The following POU6F2 variants were observed in gnomAD, a reference collection of about 807,000 sequenced individuals.
POU6F2 encodes POU class 6 homeobox 2.
POU6F2 carries 31 observed loss-of-function variants against 71.3 expected under a neutral mutation model. The ratio of observed to expected loss-of-function variants is 0.43; its 90% CI spans 0.33 to 0.59. The LOEUF (loss-of-function observed/expected upper bound fraction) is 0.59. Among genes scored for constraint, POU6F2 ranks in the 20% least tolerant of loss-of-function variants. POU6F2 has a pLI of 0.04. For synonymous variants in POU6F2, 347 were observed against 355.7 expected (o/e 0.98, Z 0.27); for missense variants, 783 against 856.8 (o/e 0.91, Z 1.07).
chr7:39,346,383 A>T (rs893421745), intron 5 of POU6F2, among the ~76,000 whole-genome samples: 3 of 152,234 alleles, frequency 2.0e-5, no homozygotes, highest in Non-Finnish European at 4.4e-5. Flanking sequence ...GTAGCGATAG[A>T]TGATGAGGGT....
chr7:39,155,278 A>G (rs996478762), intron 2 of POU6F2, among the ~76,000 whole-genome samples: 1 of 151,896 alleles, frequency 6.6e-6, no homozygotes, highest in Non-Finnish European at 1.5e-5. Context: ...GGGGGAGTTC[A>G]GTCCTAAAGC....
intron 6 of POU6F2, among the ~76,000 whole-genome samples, chr7:39,417,674 A>G (rs1421659724): frequency 6.6e-6 from 1 of 152,246 alleles, no homozygotes; most frequent in Non-Finnish European, 1.5e-5. Flanking sequence ...TAGATGAGAT[A>G]CTTGCCAATA....
intron 1 of POU6F2, among the ~76,000 whole-genome samples, chr7:39,027,250 CT>C (rs1789829958): frequency 6.6e-6 from 1 of 151,930 alleles, no homozygotes; most frequent in Non-Finnish European, 1.5e-5. Flanking sequence ...CATTGGGTAC[CT>C]TTGATATTGC....
At chr7:39,227,439 C>T (rs1280063955) in intron 4 of POU6F2, among the ~76,000 whole-genome samples, 2 of 152,034 alleles carry the variant, frequency 1.3e-5, no homozygotes, top group East Asian at 1.9e-4. Context: ...AGGTGCTTCT[C>T]AGGTGGGGCT....
chr7:39,318,358 C>T (rs2128768397), intron 4 of POU6F2, among the ~76,000 whole-genome samples: 1 of 152,226 alleles, frequency 6.6e-6, no homozygotes, highest in East Asian at 1.9e-4. Flanking sequence ...ATAGGTGGGG[C>T]CCTGGAATCA....
intron 5 of POU6F2, among the ~76,000 whole-genome samples, chr7:39,365,694 A>G (rs1049848594): frequency 6.6e-5 from 10 of 152,190 alleles, no homozygotes; most frequent in Non-Finnish European, 1.0e-4. Flanking sequence ...GCAAGAAAAA[A>G]ACAATCCCAT....
At chr7:39,115,498 G>A (rs1474387082) in intron 2 of POU6F2, among the ~76,000 whole-genome samples, 1 of 152,096 alleles carries the variant, frequency 6.6e-6, no homozygotes, top group African/African-American at 2.4e-5. Context: ...AGAGCCTGCT[G>A]GTCTCCTTCA....
chr7:39,197,454 A>C (rs1225210543), intron 2 of POU6F2, among the ~76,000 whole-genome samples: 1 of 152,218 alleles, frequency 6.6e-6, no homozygotes, highest in African/African-American at 2.4e-5. Flanking sequence ...GATCCCCACA[A>C]ATTATTTAAC....
intron 9 of POU6F2, among the ~76,000 whole-genome samples, chr7:39,462,483 T>G (rs1204212030): frequency 6.6e-6 from 1 of 152,174 alleles, no homozygotes; most frequent in Non-Finnish European, 1.5e-5. Context: ...AAATCCCTCC[T>G]TATCAGAGGC....
intron 1 of POU6F2, among the ~76,000 whole-genome samples, chr7:39,028,290 G>A (rs938029025): frequency 3.3e-5 from 5 of 152,004 alleles, no homozygotes; most frequent in Non-Finnish European, 7.4e-5. Flanking sequence ...TATGGTGTCT[G>A]TTGCTGGGCG....
chr7:39,192,490 G>A (rs990033399), intron 2 of POU6F2, among the ~76,000 whole-genome samples: 1 of 152,190 alleles, frequency 6.6e-6, no homozygotes, highest in Non-Finnish European at 1.5e-5. Flanking sequence ...GATATGGAAG[G>A]AGAAAGTGGT....
intron 4 of POU6F2, among the ~76,000 whole-genome samples, chr7:39,249,398 G>T (rs976361645): frequency 6.6e-6 from 1 of 152,102 alleles, no homozygotes; most frequent in Non-Finnish European, 1.5e-5. Context: ...AACCACAGAC[G>T]CTATAATGCA....
chr7:38,994,466 G>A (rs1788684965), intron 1 of POU6F2, among the ~76,000 whole-genome samples: 1 of 152,070 alleles, frequency 6.6e-6, no homozygotes, highest in African/African-American at 2.4e-5. Context: ...TGAGGCTTTG[G>A]GCACAGAAAA....
chr7:39,220,794 G>A (rs1353580165), intron 4 of POU6F2, among the ~76,000 whole-genome samples: 1 of 151,950 alleles, frequency 6.6e-6, no homozygotes, highest in African/African-American at 2.4e-5. Context: ...ACCTAGCATG[G>A]TGCCTGATAC....
chr7:39,454,722 AT>A (rs1788758059), intron 8 of POU6F2, among the ~76,000 whole-genome samples: 1 of 89,414 alleles, frequency 1.1e-5, no homozygotes, highest in African/African-American at 4.2e-5. Flanking sequence ...ATATATATAT[AT>A]ATATAAAATA....
intron 2 of POU6F2, among the ~76,000 whole-genome samples, chr7:39,149,684 A>G (rs1584568765): frequency 6.6e-6 from 1 of 151,238 alleles, no homozygotes; most frequent in Non-Finnish European, 1.5e-5. Flanking sequence ...CTCACCCTCT[A>G]CCTCCTGCCG....
chr7:39,339,787 G>A lies in POU6F2; in HGVS notation c.744G>A (p.Pro248=), dbSNP rs762622612. Residue 248 remains proline (P), a synonymous_variant, in exon 5 of 10, where the codon CCG becomes CCA. Transcript: ENST00000518318. ...PQAPSQSQQQ[P]LQPTPPQQPP... is the part of the protein sequence containing the mutation. ...CGCCCTCGCAGTCCCAGCAGCAGCC[G>A]CTGCAGCCCACCCCACCCCAGCAGC... 8.3e-6 allele frequency: 13 copies of A among 1,572,770 alleles called. No individual in the cohort carries two copies. Among genetic ancestry groups the A allele is most frequent in the South Asian group, 4.6e-5 (4 of 87,078 alleles).
chr7:39,252,876 A>G (rs1208863083), intron 4 of POU6F2, among the ~76,000 whole-genome samples: 1 of 152,128 alleles, frequency 6.6e-6, no homozygotes, highest in Non-Finnish European at 1.5e-5. Context: ...ACCCTGCTTT[A>G]TTTTAGCTAT....
chr7:39,125,128 GA>G (rs1385411763), intron 2 of POU6F2, among the ~76,000 whole-genome samples: 2 of 151,548 alleles, frequency 1.3e-5, no homozygotes, highest in African/African-American at 2.4e-5. Flanking sequence ...AACTTGTATA[GA>G]AAATACTTTG....
Sources: gnomAD v4.1 joint callset for allele counts (sites outside exome capture counted in the v4.1 genomes callset) on GRCh38, gnomAD v4.1.1 for gene constraint, MANE v1.5 for transcripts, NCBI Gene and HGNC (gene_info 2026-07-23, HGNC 2026-07-21) for gene names.